ZC2HC1A: variants seen among roughly 807,000 people sequenced by gnomAD.
ZC2HC1A encodes the protein zinc finger C2HC-type containing 1A, also known as zinc finger C2HC domain-containing protein 1A.
Under a neutral mutation model 40.7 loss-of-function variants are expected in ZC2HC1A, and 28 were observed. The observed-to-expected ratio is 0.69, with a 90% CI of 0.51 to 0.94. The LOEUF is 0.94. ZC2HC1A is among the 40% of genes least tolerant of loss of function. The pLI, the probability that ZC2HC1A is intolerant of heterozygous loss-of-function variation, is 0.00. For missense variants in ZC2HC1A, 389 were observed against 386.3 expected, an observed-to-expected ratio of 1.01 and a Z score of -0.06; for synonymous variants, 129 against 129.2, an observed-to-expected ratio of 1.00 and a Z score of 0.01.
chr8:78,700,857 G>C (rs1266841954), intron 7 of ZC2HC1A, among the ~76,000 whole-genome samples: 1 of 151,950 alleles, frequency 6.6e-6, no homozygotes, highest in African/African-American at 2.4e-5. Context: ...TGTTCCACTG[G>C]TCCATGTTCC....
At chr8:78,674,569 G>A (rs750141938) in intron 1 of ZC2HC1A, among the ~76,000 whole-genome samples, 23 of 152,144 alleles carry the variant, frequency 1.5e-4, no homozygotes, top group Non-Finnish European at 2.8e-4. Flanking sequence ...AGAAGGACAA[G>A]TCAGGCAAAT....
intron 1 of ZC2HC1A, among the ~76,000 whole-genome samples, chr8:78,672,420 A>G (rs1809462424): frequency 2.0e-5 from 3 of 152,174 alleles, no homozygotes; most frequent in African/African-American, 2.4e-5. Context: ...CGGTTTGCAT[A>G]ACTAGGTGAT....
intron 1 of ZC2HC1A, among the ~76,000 whole-genome samples, chr8:78,675,173 T>C (rs1357327249): frequency 6.6e-6 from 1 of 151,722 alleles, no homozygotes; most frequent in African/African-American, 2.4e-5. Context: ...GCTACCTCTT[T>C]ATTTAATTTT....
chr8:78,715,981 A>C (rs1471855207), intron 8 of ZC2HC1A, among the ~76,000 whole-genome samples: 5 of 141,560 alleles, frequency 3.5e-5, no homozygotes, highest in African/African-American at 1.3e-4. Flanking sequence ...CAGAGGTTGG[A>C]GTGAGCTGAG....
chr8:78,683,896 A>G (rs1234060154), intron 3 of ZC2HC1A, among the ~76,000 whole-genome samples: 2 of 152,224 alleles, frequency 1.3e-5, no homozygotes, highest in Non-Finnish European at 2.9e-5. Context: ...CAACAGCAAA[A>G]TGCTACCAGT....
chr8:78,686,380 G>A (rs2130484150), intron 3 of ZC2HC1A, 87 bp from the exon 4 acceptor site: 2 of 1,078,240 alleles, frequency 1.9e-6, no homozygotes, highest in East Asian at 3.2e-5. Context: ...CATTTAAAAT[G>A]ATATGGAATT....
chr8:78,704,827 C>A (rs188459872), intron 7 of ZC2HC1A, among the ~76,000 whole-genome samples: 2 of 152,070 alleles, frequency 1.3e-5, no homozygotes, highest in African/African-American at 4.8e-5. Context: ...TTCTTGTCAG[C>A]GTGTCTTATT....
rs7839334 is a variant in ZC2HC1A at position 78,677,634 on chromosome 8, G to A, written c.94-929G>A. 9.2e-3 allele frequency among the ~76,000 whole-genome samples: 1,379 copies of A among 150,702 alleles called. 19 individuals carry two copies. The highest frequency in any genetic ancestry group is 0.032 in the African/African-American group (1,323 of 41,092). ...TTCTTTTTCTAGTATCTATGTTCAG[G>A]CATTTAGTGGAGACTTTTTTTTTTG... On this transcript the variant is annotated intron_variant, in intron 2 of 8. Coordinates refer to ENST00000263849, the MANE Select transcript of ZC2HC1A (RefSeq NM_016010.3).
chr8:78,692,440 AATATGG>A (rs889703515), intron 5 of ZC2HC1A, among the ~76,000 whole-genome samples: 2 of 152,204 alleles, frequency 1.3e-5, no homozygotes, highest in African/African-American at 4.8e-5. Context: ...ATTTTTGCTA[AATATGG>A]ATCATGTTTT....
At chr8:78,712,154 TA>T in intron 7 of ZC2HC1A, 1 of 1,101,716 alleles carries the variant, frequency 9.1e-7, no homozygotes, top group Non-Finnish European at 1.2e-6. Context: ...GATATTTCCT[TA>T]AAAGCTTTAT....
chr8:78,717,758 C>G lies in ZC2HC1A; in HGVS notation c.*265C>G. ...TGTCAGAAAATAATTTCAAATGGAACAATTAATTTAGGTGTTACTTTTCTG... is the reference window on the plus strand; with the variant it reads ...TGTCAGAAAATAATTTCAAATGGAAGAATTAATTTAGGTGTTACTTTTCTG... On this transcript the variant is annotated 3_prime_UTR_variant, in exon 9 of 9. Transcript: ENST00000263849. 1 of 240,494 alleles carries G rather than the reference C, an allele frequency of 4.2e-6. No individual in the cohort carries two copies. The highest frequency in any genetic ancestry group is 8.0e-6 in the Non-Finnish European group (1 of 125,094). 14.9% of individuals were successfully genotyped at this position (240,494 alleles called of 1,614,324 possible).
chr8:78,711,901 G>A, intron 7 of ZC2HC1A: 1 of 749,712 alleles, frequency 1.3e-6, no homozygotes, highest in Non-Finnish European at 2.0e-6. Flanking sequence ...GTAGATATCT[G>A]ATGAACCAGA....
intron 5 of ZC2HC1A, among the ~76,000 whole-genome samples, chr8:78,696,570 A>G (rs1314577494): frequency 6.6e-6 from 1 of 152,204 alleles, no homozygotes; most frequent in African/African-American, 2.4e-5. Flanking sequence ...AATTTGGCTC[A>G]AAAAGAGAAA....
chr8:78,712,808 A>G (rs1354134900), intron 7 of ZC2HC1A, among the ~76,000 whole-genome samples: 7 of 152,220 alleles, frequency 4.6e-5, no homozygotes, highest in Non-Finnish European at 1.0e-4. Flanking sequence ...CTAAAAATTA[A>G]TATACCTATT....
chr8:78,666,158 C>G lies in ZC2HC1A; in HGVS notation c.10C>G (p.Leu4Val). 6.4e-7 allele frequency: 1 copy of G among 1,574,428 alleles called. No homozygotes were observed. The change falls in exon 1 of 9, where the codon CTG becomes GTG. Residue 4 changes from leucine (L) to valine (V), a missense_variant. Physicochemically the swap from Leu to Val is conservative, Grantham distance 32. Coordinates refer to ENST00000263849, the MANE Select transcript of ZC2HC1A (RefSeq NM_016010.3). The part of the protein sequence containing the change: MEG[L>V]EENGGVVQVG... Reference sequence around the variant, plus strand: ...TCGAGGAGGTGGCGCGATGGAGGGACTGGAAGGTGAGGCGATGAAGGGATG... The same window carrying G: ...TCGAGGAGGTGGCGCGATGGAGGGAGTGGAAGGTGAGGCGATGAAGGGATG...
chr8:78,703,416 A>G (rs974167358), intron 7 of ZC2HC1A, among the ~76,000 whole-genome samples: 1 of 152,134 alleles, frequency 6.6e-6, no homozygotes, highest in Admixed American at 6.6e-5. Flanking sequence ...TCTAAGTCTC[A>G]TTGAAGGTCT....
At chr8:78,690,061 C>A (rs1810157211) in intron 5 of ZC2HC1A, among the ~76,000 whole-genome samples, 2 of 152,160 alleles carry the variant, frequency 1.3e-5, no homozygotes, top group Non-Finnish European at 1.5e-5. Context: ...AAGGACTTTT[C>A]TTTCCCTGAT....
chr8:78,690,632 TC>T (rs1810179825), intron 5 of ZC2HC1A, among the ~76,000 whole-genome samples: 1 of 152,102 alleles, frequency 6.6e-6, no homozygotes, highest in African/African-American at 2.4e-5. Flanking sequence ...CTTGTCAACA[TC>T]TACAAAAAAT....
At chr8:78,679,137 T>C (rs970434885) in intron 3 of ZC2HC1A, 1 of 152,282 alleles carries the variant, frequency 6.6e-6, no homozygotes, top group African/African-American at 2.4e-5. Context: ...ACTGCCAGGA[T>C]TTGTAATCTA....
Sources: gnomAD v4.1 joint callset for allele counts (sites outside exome capture counted in the v4.1 genomes callset) on GRCh38, gnomAD v4.1.1 for gene constraint, MANE v1.5 for transcripts, NCBI Gene and HGNC (gene_info 2026-07-23, HGNC 2026-07-21) for gene names.